Variants in NEURL4 observed in about 807,000 individuals in gnomAD.
NEURL4 encodes the protein neuralized-like protein 4.
In NEURL4, 45 loss-of-function variants were observed where a neutral mutation model predicts 148.0. The ratio of observed to expected loss-of-function variants is 0.30; its 90% CI spans 0.24 to 0.39. The LOEUF (loss-of-function observed/expected upper bound fraction) is 0.39. NEURL4 is among the 10% of genes least tolerant of loss of function. The pLI is 1.00. For synonymous variants in NEURL4, 854 were observed against 869.0 expected, an observed-to-expected ratio of 0.98 and a Z score of 0.30; for missense variants, 1,776 against 2,144.0, an observed-to-expected ratio of 0.83 and a Z score of 3.39.
rs374754333 is a variant in NEURL4 at position 7,323,882 on chromosome 17, G to A, written c.2193C>T (p.Asn731=). 2.9e-5 allele frequency: 46 copies of A among 1,613,832 alleles called. No homozygotes were observed. Among genetic ancestry groups the A allele is most frequent in the African/African-American group, 4.0e-5 (3 of 74,926 alleles). The change falls in exon 12 of 29, where the codon AAC becomes AAT. Residue 731 remains asparagine (N), a synonymous_variant. Coordinates refer to ENST00000399464, the MANE Select transcript of NEURL4 (RefSeq NM_032442.3). The stretch of plus-strand genomic sequence containing the variant: ...TGTGGCGGAGGGCGGTGCGGCCCCC[G>A]TTAGTGATGACTGCGTTACTGCCGT... ...QLHGSNAVIT[N]GGRTALRHNC...
Position 7,317,344 on chromosome 17 carries a change from G to A in NEURL4, c.4345C>T (p.Pro1449Ser), listed in dbSNP as rs374832287. 4.5e-6 allele frequency: 7 copies of A among 1,553,814 alleles called. No homozygotes were observed. The highest frequency in any genetic ancestry group is 4.4e-6 in the Non-Finnish European group (5 of 1,148,292). The change falls in exon 28 of 29, where the codon CCT becomes TCT. Residue 1449 changes from proline (P) to serine (S), a missense_variant. Pro to Ser is a moderately conservative substitution (Grantham distance 74). Coordinates refer to ENST00000399464, the MANE Select transcript of NEURL4 (RefSeq NM_032442.3). Reference protein sequence around the residue: ...AGTASILSCRPLKGEPGVGFE... With the variant: ...AGTASILSCRSLKGEPGVGFE... ...CCTACCCCAGGTTCTCCCTTCAAAGGACGGCAGCTCAGGATGGAGGCAGTA... is the reference window on the plus strand; with the variant it reads ...CCTACCCCAGGTTCTCCCTTCAAAGAACGGCAGCTCAGGATGGAGGCAGTA...
At position 7,318,908 on chromosome 17, in the gene NEURL4, T is replaced by C. The variant is rs1281278370; in HGVS notation, c.3684+142A>G. 1 of 984,798 alleles carries C rather than the reference T, an allele frequency of 1.0e-6. No homozygotes were observed. Among genetic ancestry groups the C allele is most frequent in the African/African-American group, 1.6e-5 (1 of 61,514 alleles). 61.0% of individuals were successfully genotyped at this position (984,798 alleles called of 1,614,324 possible). On this transcript the variant is annotated intron_variant, in intron 22 of 28. Transcript: ENST00000399464. The surrounding 1 kb of genome is among the most constrained non-coding windows in gnomAD (Gnocchi z 4.3). ...AGGCCTAAGACTGACCAGGCAATGC[T>C]ACTCGCCCTTGCCTGCCCATTACTG...
Position 7,323,957 on chromosome 17 carries a change from G to A in NEURL4, c.2118C>T (p.Ser706=), listed in dbSNP as rs1567621580. Residue 706 remains serine, a synonymous_variant, in exon 12 of 29, where the codon AGC becomes AGT. Transcript: ENST00000399464. Reference sequence around the variant, plus strand: ...AGCCCCCGGCCCCTGAGGACGGAGAGCTTGGAGACACCTGGTTGTTCCCCT... The same window carrying A: ...AGCCCCCGGCCCCTGAGGACGGAGAACTTGGAGACACCTGGTTGTTCCCCT... ...LPEGNNQVSP[S]SPSSGAGGSD... is the part of the protein sequence containing the mutation. 6.2e-7 allele frequency: 1 copy of A among 1,612,658 alleles called. No homozygotes were observed. The highest frequency in any genetic ancestry group is 8.5e-7 in the Non-Finnish European group (1 of 1,180,030).
At position 7,323,716 on chromosome 17, in the gene NEURL4, G is replaced by A. The variant is rs1355011147; in HGVS notation, c.2269C>T (p.Arg757Trp). ...DAIVISNRALRDGELFEIVIQ... is the reference protein window; with the variant it reads ...DAIVISNRALWDGELFEIVIQ... ...ACAATTTCAAACAGCTCTCCATCCCGCAGGGCCCTGCCAGGAGACTGGCGA... is the reference window on the plus strand; with the variant it reads ...ACAATTTCAAACAGCTCTCCATCCCACAGGGCCCTGCCAGGAGACTGGCGA... Residue 757 changes from arginine (R) to tryptophan (W), a missense_variant, in exon 13 of 29, where the codon CGG (arginine) becomes TGG (tryptophan). Arg to Trp is a moderately radical substitution (Grantham distance 101). Transcript: ENST00000399464. The A allele has an allele frequency of 6.2e-6, 10 of 1,613,944 alleles. No individual in the cohort carries two copies. Among genetic ancestry groups the A allele is most frequent in the African/African-American group, 1.3e-5 (1 of 75,018 alleles).
rs2072973083 is a variant in NEURL4, at chr17:7,317,949, A to T, written c.4061-17T>A. 1 of 1,614,048 alleles carries T rather than the reference A, an allele frequency of 6.2e-7. No homozygotes were observed. Among genetic ancestry groups the T allele is most frequent in the South Asian group, 1.1e-5 (1 of 91,092 alleles). ...AATAATCTTCTGCGGGACAGTGAGT[A>T]GCAGGCTTGGTGCTGTGGCTCCCAC... On this transcript the variant is annotated splice_polypyrimidine_tract_variant and intron_variant, in intron 25 of 28. Transcript: ENST00000399464.
chr17:7,321,989 A>C lies in NEURL4; in HGVS notation c.2747T>G (p.Phe916Cys). The C allele has an allele frequency of 6.2e-7, 1 of 1,610,046 alleles. No individual in the cohort carries two copies. Among genetic ancestry groups the C allele is most frequent in the Non-Finnish European group, 8.5e-7 (1 of 1,178,730 alleles). ...HSPVAGVAHR[F>C]HSTCGKNVTL... ...GACGTTCTTGCCGCAAGTACTGTGG[A>C]ATCGGTGAGCCACGCCAGCCACTGT... The change falls in exon 17 of 29, where the codon TTC becomes TGC. Residue 916 changes from phenylalanine to cysteine, a missense_variant. By Grantham distance (205) the Phe-to-Cys change is radical. Coordinates refer to ENST00000399464, the MANE Select transcript of NEURL4 (RefSeq NM_032442.3). This position sits in a 1 kb window ranked among gnomAD's most constrained non-coding sequence, Gnocchi z 6.3.
At position 7,323,504 on chromosome 17, in the gene NEURL4, A is replaced by G. The variant is rs1422417936; in HGVS notation, c.2398T>C (p.Tyr800His). ...EFPNTMTDID[Y>H]DTWMLSGTAI... is the part of the protein sequence containing the mutation. ...CCCAACCTCAGCATCCATGTGTCAT[A>G]GTCAATGTCTGTCATGGTGTTGGGG... is the stretch of plus-strand genomic sequence containing the variant. The change falls in exon 14 of 29, where the codon TAT becomes CAT. Residue 800 changes from tyrosine to histidine, a missense_variant. By Grantham distance (83) the Tyr-to-His change is moderately conservative. Transcript: ENST00000399464. 2 of 1,614,198 alleles carry G rather than the reference A, an allele frequency of 1.2e-6. No individual in the cohort carries two copies. The highest frequency in any genetic ancestry group is 2.2e-5 in the South Asian group (2 of 91,084).
intron 21 of NEURL4, 66 bp downstream of exon 21, chr17:7,320,693 T>A: frequency 6.0e-6 from 9 of 1,491,826 alleles, no homozygotes; most frequent in Non-Finnish European, 8.2e-6. Context: ...AAGGCCTTTT[T>A]TCAGGGGGGT....
chr17:7,319,370 CCCT>C (rs375594794), intron 21 of NEURL4, among the ~76,000 whole-genome samples, 162 bp from the exon 22 acceptor site: 3 of 127,312 alleles, frequency 2.4e-5, no homozygotes, highest in Non-Finnish European at 4.9e-5. Flanking sequence ...TTGTTTCTTT[CCCT>C]CTTTTTTTTT....
At chr17:7,320,361 G>T (rs1451104539) in intron 21 of NEURL4, among the ~76,000 whole-genome samples, 2 of 152,128 alleles carry the variant, frequency 1.3e-5, no homozygotes, top group South Asian at 2.1e-4. Flanking sequence ...TCGCGAACTC[G>T]TGAGCTCAAG....
Position 7,326,155 on chromosome 17 carries a change from C to G in NEURL4, c.1293+100G>C. 8.9e-7 allele frequency: 1 copy of G among 1,119,182 alleles called. No homozygotes were observed. The highest frequency in any genetic ancestry group is 1.3e-6 in the Non-Finnish European group (1 of 753,654). 69.3% of individuals were successfully genotyped at this position (1,119,182 alleles called of 1,614,324 possible). ...TTTAGGTGGAAGATACAGGGACTGC[C>G]TCTAGGTCACATAGGAGACCCTGCT... is the stretch of plus-strand genomic sequence containing the variant. On this transcript the variant is annotated intron_variant, in intron 6 of 28. Coordinates refer to ENST00000399464, the MANE Select transcript of NEURL4 (RefSeq NM_032442.3). This position sits in a 1 kb window ranked among gnomAD's most constrained non-coding sequence, Gnocchi z 6.0.
At position 7,327,183 on chromosome 17, in the gene NEURL4, T is replaced by G. The variant is rs2073113824; in HGVS notation, c.775A>C (p.Ser259Arg). 6.2e-7 allele frequency: 1 copy of G among 1,612,450 alleles called. No individual in the cohort carries two copies. The highest frequency in any genetic ancestry group is 1.7e-5 in the Admixed American group (1 of 59,904). Reference protein sequence around the residue: ...AQARPETFPNSLESHNDFANM... With the variant: ...AQARPETFPNRLESHNDFANM... Reference sequence around the variant, plus strand: ...CCCTCACCATTATGCGACTCAAGGCTGTTAGGAAACGTCTCCGGCCGGGCC... The same window carrying G: ...CCCTCACCATTATGCGACTCAAGGCGGTTAGGAAACGTCTCCGGCCGGGCC... Residue 259 changes from serine (S) to arginine (R), a missense_variant, in exon 3 of 29, where the codon AGC becomes CGC. Ser to Arg is a moderately radical substitution (Grantham distance 110). Coordinates refer to ENST00000399464, the MANE Select transcript of NEURL4 (RefSeq NM_032442.3). This position sits in a 1 kb window ranked among gnomAD's most constrained non-coding sequence, Gnocchi z 6.6.
At chr17:7,317,162 T>C (rs2072959145) in intron 28 of NEURL4, 43 bp downstream of exon 28, 2 of 1,425,556 alleles carry the variant, frequency 1.4e-6, no homozygotes, top group Non-Finnish European at 1.9e-6. Context: ...GCCCTCTCCA[T>C]CCGAGCCCCT....
At position 7,325,469 on chromosome 17, in the gene NEURL4, C is replaced by T. The variant is rs751522529; in HGVS notation, c.1371G>A (p.Val457=). 2 of 1,610,850 alleles carry T rather than the reference C, an allele frequency of 1.2e-6. No individual in the cohort carries two copies. Among genetic ancestry groups the T allele is most frequent in the Non-Finnish European group, 1.7e-6 (2 of 1,179,718 alleles). The change falls in exon 8 of 29, where the codon GTG becomes GTA. Residue 457 remains valine (V), a synonymous_variant. Transcript: ENST00000399464. ...HFFINGIDQG[V]ATPLTPPVVY... ...CCACTGGGGGCGTCAAGGGGGTTGC[C>T]ACTCCTGTGGCAGGAAGGTACGGGG...
chr17:7,322,880 G>A lies in NEURL4; in HGVS notation c.2594-14C>T. ...CCGCATACACCTCTGGGGAGGAGAG[G>A]GAAGGTCAGAAGCCTGACAGCCAGG... On this transcript the variant is annotated splice_polypyrimidine_tract_variant and intron_variant, in intron 15 of 28. Coordinates refer to ENST00000399464, the MANE Select transcript of NEURL4 (RefSeq NM_032442.3). The surrounding 1 kb of genome is among the most constrained non-coding windows in gnomAD (Gnocchi z 5.5). 2 of 1,611,938 alleles carry A rather than the reference G, an allele frequency of 1.2e-6. No homozygotes were observed. Among genetic ancestry groups the A allele is most frequent in the Middle Eastern group, 1.7e-4 (1 of 6,052 alleles).
In NEURL4 at chr17:7,325,354, C is replaced by A; in HGVS notation, c.1486G>T (p.Ala496Ser). ...TCGGGGGACAGCGCCCGCAGGATGG[C>A]GTTGTTTCGGCGGAGACGGTCACTG... ...NHSDRLRRNN[A>S]ILRALSPEGA... The change falls in exon 8 of 29, where the codon GCC (alanine) becomes TCC (serine). Residue 496 changes from alanine to serine, a missense_variant. Physicochemically the swap from Ala to Ser is moderately conservative, Grantham distance 99. Coordinates refer to ENST00000399464, the MANE Select transcript of NEURL4 (RefSeq NM_032442.3). 6.2e-7 allele frequency: 1 copy of A among 1,613,398 alleles called. No homozygotes were observed. The highest frequency in any genetic ancestry group is 8.5e-7 in the Non-Finnish European group (1 of 1,179,950).
rs1358388163 is a variant in NEURL4 at position 7,326,399 on chromosome 17, A to G, written c.1204+38T>C. ...ACGGGGCTTCCTTCCCCTCAGCAAC[A>G]CCAGGCCTGCACCCCCGCCCCTGCC... On this transcript the variant is annotated intron_variant, in intron 5 of 28. Transcript: ENST00000399464. The surrounding 1 kb of genome is among the most constrained non-coding windows in gnomAD (Gnocchi z 6.0). 2.5e-6 allele frequency: 4 copies of G among 1,613,458 alleles called. No individual in the cohort carries two copies. The highest frequency in any genetic ancestry group is 2.5e-6 in the Non-Finnish European group (3 of 1,179,494).
intron 7 of NEURL4, 26 bp downstream of exon 7, chr17:7,325,615 A>T: frequency 6.2e-7 from 1 of 1,610,480 alleles, no homozygotes; most frequent in South Asian, 1.1e-5. Flanking sequence ...GCCCCGGCCC[A>T]GAGGCTCTCT....
At chr17:7,320,137 C>CT (rs1005016852) in intron 21 of NEURL4, among the ~76,000 whole-genome samples, 212 of 144,744 alleles carry the variant, frequency 1.5e-3, no homozygotes, top group Non-Finnish European at 1.9e-3. Flanking sequence ...GCCTTTTTTT[C>CT]TTTTTTTTTT....
Sources: allele counts gnomAD v4.1 joint callset (sites outside exome capture counted in the v4.1 genomes callset), GRCh38; gene constraint gnomAD v4.1.1; non-coding constraint Gnocchi (gnomAD v3.1); transcripts MANE v1.5; gene names NCBI Gene and HGNC (gene_info 2026-07-23, HGNC 2026-07-21).